The following LINGO2 variants were observed in gnomAD, a reference collection of about 807,000 sequenced individuals.
LINGO2 encodes leucine-rich repeat and immunoglobulin-like domain-containing nogo receptor-interacting protein 2.
LINGO2 carries 14 observed loss-of-function variants against 30.6 expected under a neutral mutation model. The observed-to-expected ratio is 0.46, with a 90% CI of 0.30 to 0.72. The LOEUF (loss-of-function observed/expected upper bound fraction) is 0.72, where lower values mean the gene tolerates loss of function less well. LINGO2 is among the 30% of genes least tolerant of loss of function. The pLI is 0.07. For missense variants in LINGO2, 729 were observed against 751.7 expected (o/e 0.97, Z 0.35); for synonymous variants, 317 against 288.5 (o/e 1.10, Z -1.00).
chr9:28,907,865 C>T, the LINGO2 span, among the ~76,000 whole-genome samples: 1 of 151,372 alleles, frequency 6.6e-6, no homozygotes, highest in African/African-American at 2.4e-5. Context: ...TGTAGAACTT[C>T]TAAATTAAAG....
intron 5 of LINGO2, among the ~76,000 whole-genome samples, chr9:27,997,009 A>G (rs552470217): frequency 1.3e-5 from 2 of 152,334 alleles, no homozygotes; most frequent in South Asian, 4.1e-4. Flanking sequence ...CAGGTTTCAA[A>G]AATTCTCTTA....
the LINGO2 span, among the ~76,000 whole-genome samples, chr9:29,162,836 T>A: frequency 6.6e-6 from 1 of 152,186 alleles, no homozygotes. Context: ...ATTTTTCTAC[T>A]TGAAACTAGC....
At chr9:28,787,995 A>G in the LINGO2 span, among the ~76,000 whole-genome samples, 1 of 152,184 alleles carries the variant, frequency 6.6e-6, no homozygotes, top group African/African-American at 2.4e-5. Flanking sequence ...CCTCTCAGGT[A>G]AATTATGTGA....
At chr9:28,495,308 T>A (rs1213049891) in intron 1 of LINGO2, among the ~76,000 whole-genome samples, 2 of 152,216 alleles carry the variant, frequency 1.3e-5, no homozygotes, top group Non-Finnish European at 2.9e-5. Flanking sequence ...ATGTCCTGAA[T>A]GGTATTGCCT....
intron 1 of LINGO2, among the ~76,000 whole-genome samples, chr9:28,589,604 G>A (rs1176808147): frequency 6.6e-6 from 1 of 152,004 alleles, no homozygotes; most frequent in African/African-American, 2.4e-5. Flanking sequence ...GGGATGTGAA[G>A]GTTCTCTTCA....
intron 4 of LINGO2, among the ~76,000 whole-genome samples, chr9:28,252,060 A>T: frequency 6.6e-6 from 1 of 152,186 alleles, no homozygotes; most frequent in Non-Finnish European, 1.5e-5. Flanking sequence ...AAATATGAAG[A>T]TCATGCAGTT....
At chr9:28,679,403 G>A in the LINGO2 span, among the ~76,000 whole-genome samples, 1 of 151,986 alleles carries the variant, frequency 6.6e-6, no homozygotes, top group Admixed American at 6.6e-5. Flanking sequence ...GTCATCTTAT[G>A]ATGCATAATC....
At chr9:29,172,681 T>C in the LINGO2 span, among the ~76,000 whole-genome samples, 1 of 151,980 alleles carries the variant, frequency 6.6e-6, no homozygotes, top group Non-Finnish European at 1.5e-5. Flanking sequence ...GAACATATAG[T>C]TGACATCAAT....
chr9:28,313,628 C>G (rs1054526517), intron 3 of LINGO2, among the ~76,000 whole-genome samples: 1 of 152,128 alleles, frequency 6.6e-6, no homozygotes, highest in East Asian at 1.9e-4. Flanking sequence ...AGGCTGGATT[C>G]TCTCAGAATC....
chr9:28,968,962 C>T, the LINGO2 span, among the ~76,000 whole-genome samples: 1 of 151,966 alleles, frequency 6.6e-6, no homozygotes, highest in Non-Finnish European at 1.5e-5. Flanking sequence ...TATCAGAAGT[C>T]AGAAATAAAA....
In LINGO2 at chr9:28,148,562, A is replaced by T. The variant is rs2133537872; in HGVS notation, c.-86-136157T>A. The T allele has an allele frequency of 1.3e-6, 2 of 1,496,952 alleles. No homozygotes were observed. The highest frequency in any genetic ancestry group is 4.9e-5 in the East Asian group (2 of 40,720). The allele number at this position is 1,496,952 out of a possible 1,614,324, so 92.7% of individuals were successfully genotyped here. Reference sequence around the variant, plus strand: ...AGCTTCCACCTCTAGGCCCCTGGAGACTCAGGGAAACTTCACTTCCTCCTG... The same window carrying T: ...AGCTTCCACCTCTAGGCCCCTGGAGTCTCAGGGAAACTTCACTTCCTCCTG... On this transcript the variant is annotated intron_variant, in intron 4 of 5. Coordinates refer to ENST00000379992, the Ensembl canonical transcript of LINGO2. The surrounding 1 kb of genome is among the most constrained non-coding windows in gnomAD (Gnocchi z 5.1).
chr9:28,110,828 C>T (rs142133525), intron 4 of LINGO2, among the ~76,000 whole-genome samples: 336 of 152,194 alleles, frequency 2.2e-3, no homozygotes, highest in Middle Eastern at 0.02. Context: ...GACAGTATGG[C>T]GATTCCTCAA....
At chr9:29,086,318 G>T in the LINGO2 span, among the ~76,000 whole-genome samples, 30,451 of 151,800 alleles carry the variant, frequency 0.2, 3,173 homozygotes, top group South Asian at 0.25. Context: ...CTATGAAATA[G>T]AGCCCTAAAT....
chr9:28,769,831 AT>A, the LINGO2 span, among the ~76,000 whole-genome samples: 3 of 151,498 alleles, frequency 2.0e-5, no homozygotes, highest in African/African-American at 7.3e-5. Context: ...TGTTATTCTT[AT>A]TCTTATTCTA....
the LINGO2 span, among the ~76,000 whole-genome samples, chr9:28,814,860 T>C: frequency 6.6e-6 from 1 of 152,100 alleles, no homozygotes; most frequent in African/African-American, 2.4e-5. Context: ...TTGTAGAAAC[T>C]CAAGAGTGAC....
chr9:28,291,203 A>G (rs1823715267), intron 4 of LINGO2, among the ~76,000 whole-genome samples: 1 of 152,212 alleles, frequency 6.6e-6, no homozygotes, highest in Non-Finnish European at 1.5e-5. Context: ...GGGGTTCCCA[A>G]GGTCTGCTTC....
At chr9:28,162,415 A>G (rs1828311945) in intron 4 of LINGO2, among the ~76,000 whole-genome samples, 2 of 152,124 alleles carry the variant, frequency 1.3e-5, no homozygotes, top group Non-Finnish European at 2.9e-5. Context: ...AAAGGCTTTG[A>G]TTCATCTAGC....
intron 1 of LINGO2, among the ~76,000 whole-genome samples, chr9:28,527,568 A>T (rs1821082733): frequency 6.6e-6 from 1 of 151,992 alleles, no homozygotes; most frequent in Admixed American, 6.6e-5. Flanking sequence ...TGTCTCTCTA[A>T]GTGTCAAGGA....
chr9:29,081,520 A>G, the LINGO2 span, among the ~76,000 whole-genome samples: 1 of 152,254 alleles, frequency 6.6e-6, no homozygotes, highest in Admixed American at 6.5e-5. Flanking sequence ...GAAAACTGGC[A>G]CAAGACAGGG....
Sources: gnomAD v4.1 joint callset for allele counts (sites outside exome capture counted in the v4.1 genomes callset) on GRCh38, gnomAD v4.1.1 for gene constraint, Gnocchi (gnomAD v3.1) non-coding constraint, MANE v1.5 for transcripts, NCBI Gene and HGNC (gene_info 2026-07-23, HGNC 2026-07-21) for gene names.